DNAH5: variants seen among roughly 807,000 people sequenced by gnomAD.
DNAH5 encodes the protein dynein axonemal heavy chain 5, also known as axonemal beta dynein heavy chain 5.
Under a neutral mutation model 518.2 loss-of-function variants are expected in DNAH5, and 372 were observed. The observed-to-expected ratio is 0.72, with a 90% CI of 0.66 to 0.78. The LOEUF (loss-of-function observed/expected upper bound fraction) is 0.78, where lower values mean the gene tolerates loss of function less well. Ranked by LOEUF, DNAH5 falls within the 30% of genes least tolerant of loss-of-function variation. DNAH5 has a pLI of 0.00. For synonymous variants in DNAH5, 2,039 were observed against 2,025.9 expected, an observed-to-expected ratio of 1.01 and a Z score of -0.17; for missense variants, 5,523 against 5,687.0, an observed-to-expected ratio of 0.97 and a Z score of 0.93.
intron 27 of DNAH5, 81 bp downstream of exon 27, chr5:13,865,587 G>A (rs781048052): frequency 1.9e-5 from 17 of 874,712 alleles, no homozygotes; most frequent in African/African-American, 3.3e-5. Context: ...TAGCTGGGGT[G>A]AAAAGAGAAC....
At chr5:13,889,681 A>G (rs1772921509) in intron 17 of DNAH5, among the ~76,000 whole-genome samples, 1 of 152,136 alleles carries the variant, frequency 6.6e-6, no homozygotes, top group African/African-American at 2.4e-5. Flanking sequence ...ACCCAGTAAG[A>G]ACCTTGGGCC....
At chr5:13,769,817 C>T (rs141898492) in intron 56 of DNAH5, among the ~76,000 whole-genome samples, 3 of 152,264 alleles carry the variant, frequency 2.0e-5, no homozygotes, top group East Asian at 1.9e-4. Context: ...TTACAGACCA[C>T]GTGCAAGAAC....
At chr5:13,727,385 TCA>T (rs1745891625) in intron 70 of DNAH5, 120 bp downstream of exon 70, 15 of 937,004 alleles carry the variant, frequency 1.6e-5, no homozygotes, top group Non-Finnish European at 2.2e-5. Context: ...TGCTAGAAAA[TCA>T]CACAGAGGCC....
intron 31 of DNAH5, among the ~76,000 whole-genome samples, chr5:13,847,508 T>C (rs1212239678): frequency 6.6e-6 from 1 of 152,082 alleles, no homozygotes; most frequent in African/African-American, 2.4e-5. Flanking sequence ...TGACCTGACA[T>C]CAGGAGTTTG....
intron 59 of DNAH5, among the ~76,000 whole-genome samples, chr5:13,765,587 C>T (rs1235303871): frequency 2.0e-5 from 3 of 152,062 alleles, no homozygotes; most frequent in Non-Finnish European, 2.9e-5. Context: ...TCAAGTTATA[C>T]ATTTAAAATT....
rs762397155 is a variant in DNAH5 at position 13,905,437 on chromosome 5, C to T, written c.1645-3299G>A. On this transcript the variant is annotated intron_variant, in intron 12 of 78. Transcript: ENST00000265104. The stretch of plus-strand genomic sequence containing the variant: ...AGAAGGCCCTCATCAGATACCGGCT[C>T]CTCAACCTTGGACTTCTCAGTCTCC... 9.2e-5 allele frequency among the ~76,000 whole-genome samples: 14 copies of T among 152,312 alleles called. No individual in the cohort carries two copies. In the South Asian group the frequency reaches 1.0e-3, roughly 11 times the overall value.
chr5:13,921,750 A>ACACC (rs1554104145), intron 5 of DNAH5, among the ~76,000 whole-genome samples: 1 of 134,276 alleles, frequency 7.4e-6, no homozygotes, highest in Non-Finnish European at 1.6e-5. Flanking sequence ...GCCCACACAC[A>ACACC]CCCCCCCACA....
intron 24 of DNAH5, 95 bp from the exon 25 acceptor site, chr5:13,868,087 A>G: frequency 1.0e-6 from 1 of 981,742 alleles, no homozygotes; most frequent in Non-Finnish European, 1.6e-6. Flanking sequence ...AAATACCAGA[A>G]TAATAGTGAA....
rs374796461 is a variant in DNAH5, at chr5:13,931,162, C to G, written c.140G>C (p.Cys47Ser). The G allele has an allele frequency of 1.9e-6, 3 of 1,614,004 alleles. No individual in the cohort carries two copies. The highest frequency in any genetic ancestry group is 2.5e-6 in the Non-Finnish European group (3 of 1,179,988). The part of the protein sequence containing the change: ...HNYLFAIVAS[C>S]LDLNKTEVED... ...CACTTCGGTTTTGTTCAGGTCCAAA[C>G]AGGAAGCCACAATTGCAAATAAGTA... Residue 47 changes from cysteine to serine, a missense_variant, in exon 2 of 79, where the codon TGT becomes TCT. Transcript: ENST00000265104.
intron 68 of DNAH5, 79 bp downstream of exon 68, chr5:13,735,051 CA>C: frequency 7.2e-7 from 1 of 1,379,960 alleles, no homozygotes; most frequent in Non-Finnish European, 1.0e-6. Flanking sequence ...TTGTTATAAC[CA>C]AAAAATGTAC....
In DNAH5 at chr5:13,809,104, C is replaced by T. The variant is rs1760161246; in HGVS notation, c.7692G>A (p.Val2564=). The change falls in exon 46 of 79, where the codon GTG becomes GTA. Residue 2564 remains valine, a synonymous_variant. Coordinates refer to ENST00000265104, the MANE Select transcript of DNAH5 (RefSeq NM_001369.3). Reference sequence around the variant, plus strand: ...CAGTCCTCACATTGTCAACATTTGGCACCAGAATAGAACCATACTCTGGGG... The same window carrying T: ...CAGTCCTCACATTGTCAACATTTGGTACCAGAATAGAACCATACTCTGGGG... The part of the protein sequence containing the change: ...DTTPEYGSIL[V]PNVDNVRTDF... 6.2e-7 allele frequency: 1 copy of T among 1,614,198 alleles called. No homozygotes were observed. Among genetic ancestry groups the T allele is most frequent in the South Asian group, 1.1e-5 (1 of 91,078 alleles).
chr5:13,885,489 G>A (rs1161985734), intron 18 of DNAH5, among the ~76,000 whole-genome samples: 1 of 152,176 alleles, frequency 6.6e-6, no homozygotes, highest in Non-Finnish European at 1.5e-5. Flanking sequence ...AGGAGCTATG[G>A]CTGGAAAAGC....
intron 35 of DNAH5, among the ~76,000 whole-genome samples, chr5:13,831,489 T>C (rs1763668487): frequency 6.6e-6 from 1 of 152,204 alleles, no homozygotes; most frequent in Non-Finnish European, 1.5e-5. Flanking sequence ...GGTTTTCTTA[T>C]GGCCAAACTA....
chr5:13,923,724 G>C (rs570432816), intron 3 of DNAH5, among the ~76,000 whole-genome samples: 5 of 152,272 alleles, frequency 3.3e-5, no homozygotes, highest in African/African-American at 1.2e-4. Flanking sequence ...CAGACCCTCT[G>C]CTAGGTACCC....
Position 13,916,353 on chromosome 5 carries a change from C to T in DNAH5, c.1192G>A (p.Val398Ile). The T allele has an allele frequency of 6.8e-7, 1 of 1,466,310 alleles. No homozygotes were observed. The highest frequency in any genetic ancestry group is 1.1e-5 in the South Asian group (1 of 87,926). 90.8% of individuals were successfully genotyped at this position (1,466,310 alleles called of 1,614,324 possible). Residue 398 changes from valine to isoleucine, a missense_variant, in exon 9 of 79, where the codon GTA becomes ATA. Val to Ile is a conservative substitution (Grantham distance 29). Around this residue, in one of 3 missense-constraint regions of DNAH5, gnomAD observed 5,121 missense variants for 5,223.3 expected, o/e 0.98. Transcript: ENST00000265104. The part of the protein sequence containing the change: ...NTSEKITSLF[V>I]KVTNQIISAC... ...ACTCTACATCATGCACTTACCTTTA[C>T]AAACAGAGATGTGATCTTCTCAGAG...
chr5:14,010,172 T>A (rs1366188340), intron 1 of DNAH5, among the ~76,000 whole-genome samples: 2 of 152,162 alleles, frequency 1.3e-5, no homozygotes, highest in Non-Finnish European at 2.9e-5. Flanking sequence ...ATTAAATGTT[T>A]TCTAGTAACA....
At chr5:13,736,638 G>A (rs562272248) in intron 66 of DNAH5, among the ~76,000 whole-genome samples, 5 of 151,950 alleles carry the variant, frequency 3.3e-5, no homozygotes, top group Admixed American at 2.6e-4. Flanking sequence ...TGTTGACCAG[G>A]CCTGTCTCAC....
chr5:13,786,415 TTAATACACTCAAAGC>T, intron 51 of DNAH5, 64 bp from the exon 52 acceptor site: 1 of 1,455,780 alleles, frequency 6.9e-7, no homozygotes, highest in Admixed American at 1.7e-5. Flanking sequence ...TCAATCTAAA[TTAATACACTCAAAGC>T]TCTACAACCT....
chr5:13,919,544 T>C (rs1251184321), intron 6 of DNAH5, 192 bp from the exon 7 acceptor site: 5 of 614,770 alleles, frequency 8.1e-6, no homozygotes, highest in Non-Finnish European at 1.3e-5. Context: ...GAAAATCTCT[T>C]TGAATTGTTT....
Sources: gnomAD v4.1 joint callset for allele counts (sites outside exome capture counted in the v4.1 genomes callset) on GRCh38, gnomAD v4.1.1 for gene constraint, gnomAD v4.1.1 regional missense constraint, MANE v1.5 for transcripts, NCBI Gene and HGNC (gene_info 2026-07-23, HGNC 2026-07-21) for gene names.